The following IQCJ variants were observed in gnomAD, a reference collection of about 807,000 sequenced individuals.
IQCJ encodes the protein IQ domain-containing protein J.
A neutral mutation model predicts 11.0 loss-of-function variants in IQCJ; 9 were observed. The observed-to-expected ratio is 0.82, with a 90% CI of 0.49 to 1.43. The LOEUF (loss-of-function observed/expected upper bound fraction) is 1.43, where lower values mean the gene tolerates loss of function less well. IQCJ is among the 40% of genes most tolerant of loss of function. IQCJ has a pLI of 0.00. For missense variants in IQCJ, 146 were observed against 133.2 expected, an observed-to-expected ratio of 1.10 and a Z score of -0.47; for synonymous variants, 55 against 51.3, an observed-to-expected ratio of 1.07 and a Z score of -0.31.
chr3:159,089,081 T>C (rs889041836), intron 1 of IQCJ, among the ~76,000 whole-genome samples: 61 of 152,308 alleles, frequency 4.0e-4, no homozygotes, highest in African/African-American at 1.3e-3. Context: ...ACATGTTTAG[T>C]GCTTCCTTCA....
intron 1 of IQCJ, among the ~76,000 whole-genome samples, chr3:159,112,369 A>G (rs1169701977): frequency 1.3e-5 from 2 of 152,130 alleles, no homozygotes; most frequent in Admixed American, 1.3e-4. Context: ...ACAATGCCAT[A>G]TTTGAGTACA....
At chr3:159,255,360 G>A (rs1727839246) in intron 3 of IQCJ, among the ~76,000 whole-genome samples, 1 of 152,130 alleles carries the variant, frequency 6.6e-6, no homozygotes, top group Non-Finnish European at 1.5e-5. Context: ...AGGTGCTGTG[G>A]CAAGGCAATC....
chr3:159,137,171 A>G (rs1720337937), intron 1 of IQCJ, among the ~76,000 whole-genome samples: 1 of 151,862 alleles, frequency 6.6e-6, no homozygotes, highest in South Asian at 2.1e-4. Context: ...CTGGGGCAGG[A>G]GAATTGCTTG....
Position 159,263,664 on chromosome 3 carries a change from C to T in IQCJ, c.*933C>T, listed in dbSNP as rs985448460. 2.4e-5 allele frequency: 24 copies of T among 985,068 alleles called. No individual in the cohort carries two copies. Among genetic ancestry groups the T allele is most frequent in the Admixed American group, 6.2e-5 (1 of 16,258 alleles). 61.0% of individuals were successfully genotyped at this position (985,068 alleles called of 1,614,324 possible). Reference sequence around the variant, plus strand: ...GGTAAAAAGGTTTCCCAACACTCAACGCAATGTATTCTTTTTGGGATCAGG... The same window carrying T: ...GGTAAAAAGGTTTCCCAACACTCAATGCAATGTATTCTTTTTGGGATCAGG... On this transcript the variant is annotated 3_prime_UTR_variant, in exon 4 of 4. Coordinates refer to ENST00000397832, the MANE Select transcript of IQCJ (RefSeq NM_001042706.3).
chr3:159,221,364 A>C (rs1212032350), intron 1 of IQCJ, among the ~76,000 whole-genome samples: 3 of 152,170 alleles, frequency 2.0e-5, no homozygotes, highest in African/African-American at 7.2e-5. Flanking sequence ...CGTTAACAAC[A>C]CAGATGCTTC....
At chr3:159,168,270 T>C (rs1374582864) in intron 1 of IQCJ, among the ~76,000 whole-genome samples, 1 of 152,166 alleles carries the variant, frequency 6.6e-6, no homozygotes, top group Admixed American at 6.5e-5. Flanking sequence ...GGGGATGAAC[T>C]TGAGTCCCCT....
intron 1 of IQCJ, among the ~76,000 whole-genome samples, chr3:159,106,473 C>T (rs1242813410): frequency 6.6e-6 from 1 of 151,942 alleles, no homozygotes; most frequent in African/African-American, 2.4e-5. Context: ...TGAGGAGCAA[C>T]CAGCAAGAGA....
In IQCJ at chr3:159,263,464, AG is replaced by A. The variant is rs1460340326; in HGVS notation, c.*734del. ...GTCTTTATTTTTAAAAAACACCAAA[AG>A]TGGGAAGAAATCAGTGATGAGGGAT... On this transcript the variant is annotated 3_prime_UTR_variant, in exon 4 of 4. Transcript: ENST00000397832. 5 of 984,508 alleles carry A rather than the reference AG, an allele frequency of 5.1e-6. No individual in the cohort carries two copies. Among genetic ancestry groups the A allele is most frequent in the African/African-American group, 3.5e-5 (2 of 57,234 alleles). 61.0% of individuals were successfully genotyped at this position (984,508 alleles called of 1,614,324 possible). A position where few individuals can be genotyped will look rare whatever the true frequency, so the allele number is the denominator to read the frequency against.
At chr3:159,224,582 T>G (rs1286359907) in intron 1 of IQCJ, among the ~76,000 whole-genome samples, 1 of 152,210 alleles carries the variant, frequency 6.6e-6, no homozygotes, top group Non-Finnish European at 1.5e-5. Context: ...GTATTGAACT[T>G]CAAAAGCTGC....
intron 1 of IQCJ, among the ~76,000 whole-genome samples, chr3:159,186,619 G>A (rs1259622889): frequency 6.6e-6 from 1 of 152,202 alleles, no homozygotes; most frequent in Non-Finnish European, 1.5e-5. Context: ...CTTTTGAGCA[G>A]CAGAAAATGT....
intron 1 of IQCJ, among the ~76,000 whole-genome samples, chr3:159,109,064 T>G (rs1046504353): frequency 6.6e-6 from 1 of 152,204 alleles, no homozygotes; most frequent in African/African-American, 2.4e-5. Flanking sequence ...AATTTACCAA[T>G]GACAAGCCCT....
At chr3:159,261,324 AG>A (rs1728190663) in intron 3 of IQCJ, among the ~76,000 whole-genome samples, 1 of 152,210 alleles carries the variant, frequency 6.6e-6, no homozygotes. Context: ...AGAAGAGGTT[AG>A]ACTGTGTTCA....
intron 1 of IQCJ, 114 bp downstream of exon 1, chr3:159,069,555 G>A: frequency 3.5e-6 from 5 of 1,434,242 alleles, no homozygotes; most frequent in Non-Finnish European, 4.7e-6. Flanking sequence ...ATGTCAAAAA[G>A]AGCTTATAGA....
chr3:159,074,497 T>G (rs6800211), intron 1 of IQCJ, among the ~76,000 whole-genome samples: 1 of 151,896 alleles, frequency 6.6e-6, no homozygotes, highest in African/African-American at 2.4e-5. Context: ...GTCTAACAGG[T>G]GTCTGCAGAT....
At chr3:159,253,333 A>T (rs1156892313) in intron 3 of IQCJ, among the ~76,000 whole-genome samples, 2 of 152,142 alleles carry the variant, frequency 1.3e-5, no homozygotes, top group Non-Finnish European at 2.9e-5. Context: ...ATTATAAATG[A>T]CTATTACCTT....
At chr3:159,218,428 A>G (rs1725353948) in intron 1 of IQCJ, among the ~76,000 whole-genome samples, 1 of 152,070 alleles carries the variant, frequency 6.6e-6, no homozygotes, top group Non-Finnish European at 1.5e-5. Context: ...CAAGATCATA[A>G]GTCAGTCAGT....
At chr3:159,110,805 T>C (rs1474512131) in intron 1 of IQCJ, among the ~76,000 whole-genome samples, 3 of 152,122 alleles carry the variant, frequency 2.0e-5, no homozygotes. Context: ...CGGGGATGTT[T>C]AACAATAAAC....
chr3:159,208,581 A>T (rs2108084958), intron 1 of IQCJ, among the ~76,000 whole-genome samples: 1 of 152,264 alleles, frequency 6.6e-6, no homozygotes, highest in Admixed American at 6.5e-5. Flanking sequence ...GGTCTACTCA[A>T]TTCCTAACAA....
intron 1 of IQCJ, among the ~76,000 whole-genome samples, chr3:159,077,095 C>A (rs533712770): frequency 6.6e-6 from 1 of 152,248 alleles, no homozygotes; most frequent in Non-Finnish European, 1.5e-5. Context: ...TAGGGGCAGG[C>A]ATTTCCAGTT....
Sources: allele counts gnomAD v4.1 joint callset (sites outside exome capture counted in the v4.1 genomes callset), GRCh38; gene constraint gnomAD v4.1.1; transcripts MANE v1.5; gene names NCBI Gene and HGNC (gene_info 2026-07-23, HGNC 2026-07-21).